HK3: variants seen among roughly 807,000 people sequenced by gnomAD.
HK3 encodes the protein hexokinase-3.
In HK3, 93 loss-of-function variants were observed where a neutral mutation model predicts 91.0. That is an observed-to-expected ratio of 1.02 (90% CI 0.86 to 1.21). HK3 has a LOEUF of 1.21. Among genes scored for constraint, HK3 ranks in the 50% most tolerant of loss-of-function variants. HK3 has a pLI of 0.00. For missense variants in HK3, 1,235 were observed against 1,247.4 expected (o/e 0.99, Z 0.15); for synonymous variants, 519 against 516.9 (o/e 1.00, Z -0.06).
At chr5:176,898,332 A>T (rs1390096196) in intron 1 of HK3, among the ~76,000 whole-genome samples, 1 of 152,242 alleles carries the variant, frequency 6.6e-6, no homozygotes, top group Non-Finnish European at 1.5e-5. Context: ...TAAAGCAACA[A>T]ATCAGCTTCT....
intron 2 of HK3, among the ~76,000 whole-genome samples, chr5:176,892,667 T>C (rs1296113330): frequency 1.3e-5 from 2 of 152,126 alleles, no homozygotes; most frequent in African/African-American, 2.4e-5. Context: ...CCACTTCCTG[T>C]CACACAGGAG....
At chr5:176,882,233 C>G in intron 15 of HK3, 106 bp from the exon 16 acceptor site, 2 of 1,155,556 alleles carry the variant, frequency 1.7e-6, no homozygotes, top group Non-Finnish European at 2.5e-6. Flanking sequence ...CTCTCTCTAC[C>G]TCTCATGCTC....
rs1758541675 is a variant in HK3 at position 176,884,850 on chromosome 5, G to A, written c.1858-716C>T. ...GAGAAAATTACTGCTTTGCTCAGAG[G>A]AGGAGCATGGAGGGTAGGTCAGGAA... On this transcript the variant is annotated intron_variant, in intron 13 of 18. Coordinates refer to ENST00000292432, the MANE Select transcript of HK3 (RefSeq NM_002115.3). The surrounding 1 kb of genome is among the most constrained non-coding windows in gnomAD (Gnocchi z 4.1). 6.6e-6 allele frequency among the ~76,000 whole-genome samples: 1 copy of A among 152,228 alleles called. No individual in the cohort carries two copies. The highest frequency in any genetic ancestry group is 2.4e-5 in the African/African-American group (1 of 41,458).
Position 176,887,897 on chromosome 5 carries a change from C to CT in HK3, c.1305-152dup, listed in dbSNP as rs113393288. 31,720 of 495,538 alleles carry CT rather than the reference C, an allele frequency of 0.064. 71 individuals carry two copies. Among genetic ancestry groups the CT allele is most frequent in the African/African-American group, 0.078 (3,809 of 49,106 alleles). The allele number at this position is 495,538 out of a possible 1,614,324, so 30.7% of individuals were successfully genotyped here. A position where few individuals can be genotyped will look rare whatever the true frequency, so the allele number is the denominator to read the frequency against. On this transcript the variant is annotated intron_variant, in intron 10 of 18. Transcript: ENST00000292432. This position sits in a 1 kb window ranked among gnomAD's most constrained non-coding sequence, Gnocchi z 4.9. The stretch of plus-strand genomic sequence containing the variant: ...CCTCCTGAAGCCCAAGGCCCCATCA[C>CT]TTTTTTTTTTTTATTTTTGTAGATA...
rs369313964 is a variant in HK3 at position 176,893,192 on chromosome 5, C to G, written c.97-1642G>C. Among the ~76,000 whole-genome samples the G allele has an allele frequency of 6.6e-5, 10 of 152,102 alleles. No individual in the cohort carries two copies. In the South Asian group the frequency reaches 2.1e-3, roughly 32 times the overall value. ...CCGAGAGGGCAAGTCATCTGCAGGG[C>G]CAAGCAGCTGTGAAGGGGCAGGGGA... On this transcript the variant is annotated intron_variant, in intron 2 of 18. Transcript: ENST00000292432.
intron 6 of HK3, 59 bp downstream of exon 6, chr5:176,890,576 A>T: frequency 6.9e-7 from 1 of 1,442,818 alleles, no homozygotes; most frequent in African/African-American, 1.4e-5. Flanking sequence ...GACCCAACGC[A>T]TGTGTGCCAG....
intron 13 of HK3, among the ~76,000 whole-genome samples, chr5:176,885,622 A>C (rs1183421672): frequency 6.6e-6 from 1 of 151,976 alleles, no homozygotes; most frequent in Non-Finnish European, 1.5e-5. Context: ...GGGTTTCAGC[A>C]TCTTGGCCAG....
At chr5:176,889,200 A>G (rs691057) in intron 8 of HK3, among the ~76,000 whole-genome samples, 181 bp downstream of exon 8, 94,075 of 152,118 alleles carry the variant, frequency 0.62, 29,418 homozygotes, top group African/African-American at 0.71. Flanking sequence ...ACAATTCTGG[A>G]TTCTAGAACT....
At chr5:176,890,394 G>GT (rs956429522) in intron 6 of HK3, among the ~76,000 whole-genome samples, 1 of 152,174 alleles carries the variant, frequency 6.6e-6, no homozygotes, top group African/African-American at 2.4e-5. Flanking sequence ...GTCTATTCAT[G>GT]TTTTTTTGCC....
chr5:176,882,564 C>T (rs749030443), intron 15 of HK3, among the ~76,000 whole-genome samples: 1 of 152,156 alleles, frequency 6.6e-6, no homozygotes, highest in Non-Finnish European at 1.5e-5. Context: ...ACGAGGAGCC[C>T]CACAGTCTGG....
Position 176,887,843 on chromosome 5 carries a change from G to T in HK3, c.1305-97C>A, listed in dbSNP as rs1758643650. 7.4e-7 allele frequency: 1 copy of T among 1,348,744 alleles called. No individual in the cohort carries two copies. The highest frequency in any genetic ancestry group is 2.4e-5 in the Admixed American group (1 of 41,892). 83.5% of individuals were successfully genotyped at this position (1,348,744 alleles called of 1,614,324 possible). On this transcript the variant is annotated intron_variant, in intron 10 of 18. Transcript: ENST00000292432. This position sits in a 1 kb window ranked among gnomAD's most constrained non-coding sequence, Gnocchi z 4.9. ...CCTGGACCCCCAGATACATACAGGT[G>T]TGCCCAGCTTGGCCCCAGACCCCTA...
rs773432052 is a variant in HK3, at chr5:176,881,442, G to A, written c.2487C>T (p.Cys829=). 6.2e-7 allele frequency: 1 copy of A among 1,610,974 alleles called. No individual in the cohort carries two copies. Among genetic ancestry groups the A allele is most frequent in the Non-Finnish European group, 8.5e-7 (1 of 1,180,008 alleles). The stretch of plus-strand genomic sequence containing the variant: ...GGGCAGCCCTCTGGGACACAGCCTG[G>A]CACACCTCTAGCACCATCAGGGCGT... ...SDDALMVLEV[C]QAVSQRAAQL... The change falls in exon 18 of 19, where the codon TGC becomes TGT. Residue 829 remains cysteine (C), a synonymous_variant. Coordinates refer to ENST00000292432, the MANE Select transcript of HK3 (RefSeq NM_002115.3).
At chr5:176,889,777 G>T in intron 6 of HK3, 33 bp from the exon 7 acceptor site, 1 of 1,586,550 alleles carries the variant, frequency 6.3e-7, no homozygotes, top group Non-Finnish European at 8.6e-7. Context: ...GTCAAGGCTG[G>T]CCTGAGTGGC....
chr5:176,881,654 C>T (rs141653594), intron 17 of HK3, 38 bp downstream of exon 17: 4 of 1,611,580 alleles, frequency 2.5e-6, no homozygotes, highest in African/African-American at 1.3e-5. Flanking sequence ...GACAGAAAGA[C>T]CCCCTGAAGT....
Position 176,888,813 on chromosome 5 carries a change from C to T in HK3, c.966G>A (p.Val322=). The change falls in exon 9 of 19, where the codon GTG becomes GTA. Residue 322 remains valine (V), a synonymous_variant. Coordinates refer to ENST00000292432, the MANE Select transcript of HK3 (RefSeq NM_002115.3). ...CCCCACACCGGGCCAAGTGAGCCAG[C>T]ACCAGCCGCACCAGCTCACCCAGGT... is the stretch of plus-strand genomic sequence containing the variant. ...GLYLGELVRL[V]LAHLARCGVL... 1.2e-6 allele frequency: 2 copies of T among 1,614,232 alleles called. No individual in the cohort carries two copies. The highest frequency in any genetic ancestry group is 1.7e-6 in the Non-Finnish European group (2 of 1,180,034).
chr5:176,894,183 C>T (rs931961257), intron 2 of HK3, among the ~76,000 whole-genome samples: 2 of 152,162 alleles, frequency 1.3e-5, no homozygotes, highest in African/African-American at 4.8e-5. Context: ...GACTCCATAC[C>T]CTCTCTGATG....
Position 176,888,433 on chromosome 5 carries a change from G to T in HK3, c.1203C>A (p.Ala401=), listed in dbSNP as rs745620616. Residue 401 remains alanine (A), a synonymous_variant, in exon 10 of 19, where the codon GCC becomes GCA. Coordinates refer to ENST00000292432, the MANE Select transcript of HK3 (RefSeq NM_002115.3). ...VCTRAAQLCA[A]ALAAVLSCLQ... ...GGCAGGAGAGAACAGCGGCCAGGGC[G>T]GCAGCACAGAGCTGGGCAGCCCGCG... The T allele has an allele frequency of 3.7e-5, 58 of 1,559,606 alleles. No individual in the cohort carries two copies. The highest frequency in any genetic ancestry group is 1.7e-4 in the Middle Eastern group (1 of 6,022).
chr5:176,889,042 C>A (rs1276509340), intron 8 of HK3, among the ~76,000 whole-genome samples, 178 bp from the exon 9 acceptor site: 5 of 152,164 alleles, frequency 3.3e-5, no homozygotes, highest in South Asian at 2.1e-4. Context: ...CCCACTGCCC[C>A]CTCTGACATA....
At position 176,891,093 on chromosome 5, in the gene HK3, G is replaced by A. The variant is rs752054669; in HGVS notation, c.358C>T (p.Pro120Ser). The A allele has an allele frequency of 3.1e-6, 5 of 1,614,102 alleles. No homozygotes were observed. The highest frequency in any genetic ancestry group is 4.2e-6 in the Non-Finnish European group (5 of 1,180,030). Residue 120 changes from proline to serine, a missense_variant, in exon 4 of 19, where the codon CCC becomes TCC. Transcript: ENST00000292432. Reference protein sequence around the residue: ...LTGIEGHRVEPRSQEFVIPQE... With the variant: ...LTGIEGHRVESRSQEFVIPQE... ...GGGATCACAAACTCCTGGCTTCTGG[G>A]CTCCACCCTATGCCCCTCAATGCCA...
Sources: gnomAD v4.1 joint callset for allele counts (sites outside exome capture counted in the v4.1 genomes callset) on GRCh38, gnomAD v4.1.1 for gene constraint, Gnocchi (gnomAD v3.1) non-coding constraint, MANE v1.5 for transcripts, NCBI Gene and HGNC (gene_info 2026-07-23, HGNC 2026-07-21) for gene names.